MARCHF1: variants seen among roughly 807,000 people sequenced by gnomAD.
MARCHF1 encodes membrane associated ring-CH-type finger 1.
Under a neutral mutation model 54.2 loss-of-function variants are expected in MARCHF1, and 40 were observed. That is an observed-to-expected ratio of 0.74 (90% CI 0.57 to 0.96). The LOEUF is 0.96. MARCHF1 is among the 40% of genes least tolerant of loss of function. The pLI is 0.00. For missense variants in MARCHF1, 586 were observed against 656.5 expected, an observed-to-expected ratio of 0.89 and a Z score of 1.17; for synonymous variants, 236 against 236.3, an observed-to-expected ratio of 1.00 and a Z score of 0.01.
intron 7 of MARCHF1, among the ~76,000 whole-genome samples, chr4:163,589,017 C>G (rs1199981767): frequency 6.6e-6 from 1 of 150,388 alleles, no homozygotes; most frequent in African/African-American, 2.5e-5. Context: ...AACGAAAACC[C>G]CACTTGGCCT....
At chr4:163,614,538 C>T (rs1164084952) in intron 5 of MARCHF1, among the ~76,000 whole-genome samples, 7 of 152,016 alleles carry the variant, frequency 4.6e-5, no homozygotes, top group Middle Eastern at 3.4e-3. Flanking sequence ...CCCCAAATTT[C>T]GAAGTCATTC....
intron 5 of MARCHF1, among the ~76,000 whole-genome samples, chr4:163,625,572 G>C (rs917447833): frequency 4.6e-5 from 7 of 152,234 alleles, no homozygotes; most frequent in Admixed American, 6.5e-5. Context: ...AGTAGAGATA[G>C]AGATGACAAT....
intron 2 of MARCHF1, among the ~76,000 whole-genome samples, chr4:164,005,649 A>G (rs1416479507): frequency 1.3e-5 from 2 of 152,130 alleles, no homozygotes; most frequent in Non-Finnish European, 2.9e-5. Flanking sequence ...AAAATTCATG[A>G]CTGTCTGAAA....
intron 5 of MARCHF1, among the ~76,000 whole-genome samples, chr4:163,625,250 C>T (rs2110971523): frequency 6.6e-6 from 1 of 152,286 alleles, no homozygotes; most frequent in Middle Eastern, 3.4e-3. Context: ...ACTGCATGGG[C>T]CCTTTTCAAC....
intron 5 of MARCHF1, chr4:163,613,700 T>G (rs1025049958): frequency 3.1e-6 from 2 of 653,792 alleles, no homozygotes; most frequent in Non-Finnish European, 1.9e-6. Flanking sequence ...CAATTTGCTT[T>G]GGAAACAAAT....
intron 1 of MARCHF1, among the ~76,000 whole-genome samples, chr4:164,173,143 T>TA (rs1730573629): frequency 6.6e-6 from 1 of 152,236 alleles, no homozygotes. Context: ...AATCAACACT[T>TA]AGACTTTCTG....
chr4:164,028,676 A>G (rs1753818070), intron 2 of MARCHF1, among the ~76,000 whole-genome samples: 1 of 152,150 alleles, frequency 6.6e-6, no homozygotes, highest in Non-Finnish European at 1.5e-5. Context: ...TCAATATCAT[A>G]CAATATATCC....
chr4:163,534,357 A>G (rs899655414), intron 9 of MARCHF1, among the ~76,000 whole-genome samples: 1 of 152,086 alleles, frequency 6.6e-6, no homozygotes, highest in African/African-American at 2.4e-5. Context: ...CCTTTTCACA[A>G]TATTGCAAAT....
chr4:163,992,083 A>C (rs1439692271), intron 2 of MARCHF1, among the ~76,000 whole-genome samples: 3 of 144,270 alleles, frequency 2.1e-5, no homozygotes, highest in African/African-American at 7.8e-5. Context: ...AAAAAAAAAA[A>C]AAAAAGGCCT....
intron 1 of MARCHF1, among the ~76,000 whole-genome samples, chr4:164,152,524 T>C (rs750387844): frequency 1.9e-4 from 29 of 152,132 alleles, no homozygotes; most frequent in Non-Finnish European, 8.8e-5. Context: ...AAAAAAATAT[T>C]TAACCCCAAA....
At chr4:163,650,193 C>A (rs1742914378) in intron 5 of MARCHF1, among the ~76,000 whole-genome samples, 1 of 151,808 alleles carries the variant, frequency 6.6e-6, no homozygotes, top group Non-Finnish European at 1.5e-5. Context: ...GTATGGAAAT[C>A]TCTATAACTA....
At chr4:163,720,580 C>T (rs1745418395) in intron 4 of MARCHF1, among the ~76,000 whole-genome samples, 1 of 152,058 alleles carries the variant, frequency 6.6e-6, no homozygotes, top group South Asian at 2.1e-4. Flanking sequence ...CATTGGTAGC[C>T]TGATGAGGAT....
At chr4:164,290,409 T>C (rs1351384695) in intron 1 of MARCHF1, among the ~76,000 whole-genome samples, 1 of 152,022 alleles carries the variant, frequency 6.6e-6, no homozygotes, top group Admixed American at 6.6e-5. Flanking sequence ...TACTAACTTA[T>C]TGCTTTGTGA....
chr4:164,302,742 G>A (rs1734594528), intron 1 of MARCHF1, among the ~76,000 whole-genome samples: 1 of 151,898 alleles, frequency 6.6e-6, no homozygotes, highest in African/African-American at 2.4e-5. Flanking sequence ...GGTGGCCCAT[G>A]CCTGTAATCC....
intron 3 of MARCHF1, among the ~76,000 whole-genome samples, chr4:163,925,553 T>C (rs912645817): frequency 6.6e-6 from 1 of 151,860 alleles, no homozygotes; most frequent in African/African-American, 2.4e-5. Context: ...ATATTGACAA[T>C]TTTGTTCAAA....
In MARCHF1 at chr4:163,525,316, A is replaced by G. The variant is rs1738062624; in HGVS notation, c.*3432T>C. The G allele has an allele frequency of 6.6e-6, 1 of 152,064 alleles. No individual in the cohort carries two copies. Among genetic ancestry groups the G allele is most frequent in the African/African-American group, 2.4e-5 (1 of 41,420 alleles). The allele number at this position is 152,064 out of a possible 1,614,324, so 9.4% of individuals were successfully genotyped here. Reference sequence around the variant, plus strand: ...GACCTTTTGTAAAACAAGATAAAAAACCATGAGGTCGTCTGTCTGGGACTA... The same window carrying G: ...GACCTTTTGTAAAACAAGATAAAAAGCCATGAGGTCGTCTGTCTGGGACTA... On this transcript the variant is annotated 3_prime_UTR_variant, in exon 10 of 10. Transcript: ENST00000514618.
chr4:164,318,537 C>G (rs1195467224), intron 1 of MARCHF1, among the ~76,000 whole-genome samples: 1 of 152,130 alleles, frequency 6.6e-6, no homozygotes, highest in Non-Finnish European at 1.5e-5. Context: ...CATTACAGCA[C>G]CAAAGAGGTG....
At chr4:163,653,680 C>T (rs1295724368) in intron 5 of MARCHF1, among the ~76,000 whole-genome samples, 2 of 151,620 alleles carry the variant, frequency 1.3e-5, no homozygotes, top group African/African-American at 2.4e-5. Flanking sequence ...AGAAGGTAGA[C>T]ATCAAGGTTT....
Position 164,296,557 on chromosome 4 carries a change from A to C in MARCHF1, c.-323+87313T>G, listed in dbSNP as rs569307164. Among the ~76,000 whole-genome samples the C allele has an allele frequency of 2.0e-5, 3 of 152,162 alleles. No individual in the cohort carries two copies. The South Asian group carries it at 6.2e-4, about 32-fold the overall frequency. On this transcript the variant is annotated intron_variant, in intron 1 of 9. Coordinates refer to ENST00000514618, the MANE Select transcript of MARCHF1 (RefSeq NM_001394959.1). Reference sequence around the variant, plus strand: ...GCTAATTTTTATATTTTTAGTAGAGACAGTGTTTCACCATGTTGGCCAGGC... The same window carrying C: ...GCTAATTTTTATATTTTTAGTAGAGCCAGTGTTTCACCATGTTGGCCAGGC...
Sources: gnomAD v4.1 joint callset for allele counts (sites outside exome capture counted in the v4.1 genomes callset) on GRCh38, gnomAD v4.1.1 for gene constraint, MANE v1.5 for transcripts, NCBI Gene and HGNC (gene_info 2026-07-23, HGNC 2026-07-21) for gene names.